CENPC: variants seen among roughly 807,000 people sequenced by gnomAD.
The protein encoded by CENPC is CENP-C 1.
In CENPC, 63 loss-of-function variants were observed where a neutral mutation model predicts 112.1. That is an observed-to-expected ratio of 0.56 (90% CI 0.46 to 0.69). CENPC has a LOEUF of 0.69. Ranked by LOEUF, CENPC falls within the 30% of genes least tolerant of loss-of-function variation. CENPC has a pLI of 0.00. For synonymous variants in CENPC, 333 were observed against 367.6 expected (o/e 0.91, Z 1.08); for missense variants, 1,000 against 1,103.8 (o/e 0.91, Z 1.33).
intron 17 of CENPC, among the ~76,000 whole-genome samples, chr4:67,484,435 A>G (rs1725033647): frequency 6.6e-6 from 1 of 152,158 alleles, no homozygotes; most frequent in South Asian, 2.1e-4. Flanking sequence ...GCCTGTTAGG[A>G]ATGGGCTCAC....
At chr4:67,544,228 T>G in intron 1 of CENPC, 33 bp from the exon 2 acceptor site, 1 of 1,270,116 alleles carries the variant, frequency 7.9e-7, no homozygotes, top group Non-Finnish European at 1.1e-6. Flanking sequence ...ATTTGGTTTC[T>G]TTAAGATAGA....
Position 67,485,992 on chromosome 4 carries a change from G to A in CENPC, c.2670+3975C>T, listed in dbSNP as rs1050351456. Among the ~76,000 whole-genome samples the A allele has an allele frequency of 1.6e-4, 24 of 152,112 alleles. 1 individual carries two copies. The highest frequency in any genetic ancestry group is 4.3e-4 in the African/African-American group (18 of 41,498). ...CCCTAAATGGGGAAAAAAGCCCCCC[G>A]AAATGTTTCAAAGGTATTTTTATAA... On this transcript the variant is annotated intron_variant, in intron 17 of 18. Coordinates refer to ENST00000273853, the MANE Select transcript of CENPC (RefSeq NM_001812.4).
chr4:67,493,935 G>T lies in CENPC; in HGVS notation c.2239C>A (p.Pro747Thr). 6.2e-7 allele frequency: 1 copy of T among 1,613,070 alleles called. No homozygotes were observed. The highest frequency in any genetic ancestry group is 8.5e-7 in the Non-Finnish European group (1 of 1,179,534). ...VRRTKRTRLK[P>T]LEYWRGERID... The stretch of plus-strand genomic sequence containing the variant: ...CGCTCTCCTCGCCAGTACTCCAAAG[G>T]TTTCAAACGTGTTCTCTTGGTCCTG... The change falls in exon 14 of 19, where the codon CCT becomes ACT. Residue 747 changes from proline to threonine, a missense_variant. By Grantham distance (38) the Pro-to-Thr change is conservative (BLOSUM62 -1). Coordinates refer to ENST00000273853, the MANE Select transcript of CENPC (RefSeq NM_001812.4).
In CENPC at chr4:67,512,569, C is replaced by A. The variant is rs141379239; in HGVS notation, c.1445G>T (p.Gly482Val). The A allele has an allele frequency of 6.4e-4, 956 of 1,499,578 alleles. 4 individuals carry two copies. In the African/African-American group the frequency reaches 0.012, roughly 19 times the overall value. 92.9% of individuals were successfully genotyped at this position (1,499,578 alleles called of 1,614,324 possible). The change falls in exon 9 of 19, where the codon GGA becomes GTA. Residue 482 changes from glycine (G) to valine (V), a missense_variant and splice_region_variant. Transcript: ENST00000273853. The stretch of plus-strand genomic sequence containing the variant: ...TTTTCTAGTGCTACTTTTCTTGCTT[C>A]CTAAAATAAAGAAAACCATAAAACC... ...CVSKKQMPPV[G>V]SKKSSTRKDK...
At chr4:67,523,324 A>G (rs2109816026) in intron 5 of CENPC, among the ~76,000 whole-genome samples, 1 of 152,308 alleles carries the variant, frequency 6.6e-6, no homozygotes, top group South Asian at 2.1e-4. Flanking sequence ...AAAACAAAAA[A>G]TGAATGACGT....
At chr4:67,526,744 A>G (rs535756265) in intron 5 of CENPC, among the ~76,000 whole-genome samples, 1 of 152,308 alleles carries the variant, frequency 6.6e-6, no homozygotes, top group Non-Finnish European at 1.5e-5. Context: ...CTTAAATACA[A>G]AAATCCTCAA....
chr4:67,480,821 T>C lies in CENPC; in HGVS notation c.2671-5843A>G, dbSNP rs544342553. On this transcript the variant is annotated intron_variant, in intron 17 of 18. Transcript: ENST00000273853. The stretch of plus-strand genomic sequence containing the variant: ...CAAGGTAATAAAAGCCATTTATGAC[T>C]AACCTACAGCCAGCATCATACTGAA... 3.0e-4 allele frequency among the ~76,000 whole-genome samples: 45 copies of C among 152,288 alleles called. No homozygotes were observed. In the South Asian group the frequency reaches 8.9e-3, roughly 30 times the overall value.
intron 17 of CENPC, among the ~76,000 whole-genome samples, chr4:67,485,517 T>G (rs1290080972): frequency 2.0e-5 from 3 of 152,088 alleles, no homozygotes; most frequent in African/African-American, 7.2e-5. Context: ...GGGACGTAAT[T>G]AGGTCCTGAG....
intron 9 of CENPC, 75 bp downstream of exon 9, chr4:67,512,327 T>A: frequency 4.7e-6 from 5 of 1,067,894 alleles, no homozygotes; most frequent in Non-Finnish European, 6.8e-6. Flanking sequence ...TATATAGAAA[T>A]ATAAAATCAA....
At chr4:67,507,183 AG>A (rs966604707) in intron 10 of CENPC, among the ~76,000 whole-genome samples, 7 of 152,144 alleles carry the variant, frequency 4.6e-5, no homozygotes, top group Non-Finnish European at 7.4e-5. Flanking sequence ...AGGTGGTGAA[AG>A]GGACATAAGG....
At chr4:67,534,099 CA>C in intron 4 of CENPC, among the ~76,000 whole-genome samples, 1 of 151,168 alleles carries the variant, frequency 6.6e-6, no homozygotes, top group African/African-American at 2.4e-5. Flanking sequence ...TCTTTTGTCG[CA>C]GAAAAAAAAT....
chr4:67,532,242 AAAC>A (rs1233061453), intron 4 of CENPC, among the ~76,000 whole-genome samples: 1 of 152,190 alleles, frequency 6.6e-6, no homozygotes, highest in African/African-American at 2.4e-5. Context: ...AAAAGTCAGG[AAAC>A]AACAGGTGCT....
At chr4:67,505,016 A>C in intron 12 of CENPC, 189 bp downstream of exon 12, 1 of 561,536 alleles carries the variant, frequency 1.8e-6, no homozygotes, top group Non-Finnish European at 3.1e-6. Flanking sequence ...GTTCTACTTA[A>C]AAAACTGTCA....
intron 12 of CENPC, among the ~76,000 whole-genome samples, chr4:67,496,749 G>A (rs1012196304): frequency 3.3e-5 from 5 of 152,084 alleles, no homozygotes; most frequent in Non-Finnish European, 7.4e-5. Flanking sequence ...AGGGTAAAGG[G>A]GTTTCTTTTT....
At chr4:67,526,542 T>C (rs546611075) in intron 5 of CENPC, among the ~76,000 whole-genome samples, 1 of 151,704 alleles carries the variant, frequency 6.6e-6, no homozygotes, top group South Asian at 2.1e-4. Flanking sequence ...GAAAAAAAAA[T>C]CTCCTGGACC....
chr4:67,527,703 G>T (rs1006430430), intron 5 of CENPC, among the ~76,000 whole-genome samples: 1 of 151,672 alleles, frequency 6.6e-6, no homozygotes, highest in Admixed American at 6.6e-5. Flanking sequence ...TTCTCACTAC[G>T]TTGCCTAGGC....
Position 67,529,705 on chromosome 4 carries a change from C to T in CENPC, c.331+1110G>A, listed in dbSNP as rs79255673. 6.4e-3 allele frequency among the ~76,000 whole-genome samples: 968 copies of T among 152,072 alleles called. 11 individuals carry two copies. Among genetic ancestry groups the T allele is most frequent in the African/African-American group, 0.023 (935 of 41,472 alleles). ...ATAACATAAAAAATGTGAATTCTCA[C>T]GAAATTACTACATAAATTAAATGCA... On this transcript the variant is annotated intron_variant, in intron 5 of 18. Coordinates refer to ENST00000273853, the MANE Select transcript of CENPC (RefSeq NM_001812.4).
intron 17 of CENPC, among the ~76,000 whole-genome samples, chr4:67,479,513 C>A (rs969097869): frequency 2.6e-5 from 4 of 152,070 alleles, no homozygotes; most frequent in African/African-American, 9.7e-5. Context: ...TTGAAAAATT[C>A]TTTGAACTGA....
intron 12 of CENPC, among the ~76,000 whole-genome samples, chr4:67,500,202 C>G (rs965049548): frequency 6.6e-6 from 1 of 151,606 alleles, no homozygotes; most frequent in Non-Finnish European, 1.5e-5. Flanking sequence ...GCTTACTCAA[C>G]AAAGGGTTGC....
Sources: allele counts gnomAD v4.1 joint callset (sites outside exome capture counted in the v4.1 genomes callset), GRCh38; gene constraint gnomAD v4.1.1; transcripts MANE v1.5; gene names NCBI Gene and HGNC (gene_info 2026-07-23, HGNC 2026-07-21).